Variants in AFF3 observed in about 807,000 individuals in gnomAD.
AFF3 encodes AF4/FMR2 family member 3.
In AFF3, 32 loss-of-function variants were observed where a neutral mutation model predicts 129.7. The observed-to-expected ratio is 0.25, with a 90% CI of 0.19 to 0.33. The LOEUF (loss-of-function observed/expected upper bound fraction) is 0.33, where lower values mean the gene tolerates loss of function less well. Ranked by LOEUF, AFF3 falls within the 10% of genes least tolerant of loss-of-function variation. The pLI is 1.00. For missense variants in AFF3, 1,373 were observed against 1,592.0 expected (o/e 0.86, Z 2.34); for synonymous variants, 644 against 635.4 (o/e 1.01, Z -0.20).
At chr2:99,753,668 G>A (rs1479303308) in intron 8 of AFF3, among the ~76,000 whole-genome samples, 1 of 152,092 alleles carries the variant, frequency 6.6e-6, no homozygotes, top group South Asian at 2.1e-4. Context: ...GCCGTGGGAG[G>A]GCGAGTGTGT....
At chr2:99,562,896 C>T (rs941088186) in intron 20 of AFF3, among the ~76,000 whole-genome samples, 3 of 152,120 alleles carry the variant, frequency 2.0e-5, no homozygotes, top group African/African-American at 4.8e-5. Flanking sequence ...CTGGTGCCAC[C>T]GGGGCTTCAG....
At chr2:99,858,914 G>T (rs1193286326) in intron 7 of AFF3, among the ~76,000 whole-genome samples, 1 of 152,124 alleles carries the variant, frequency 6.6e-6, no homozygotes, top group Non-Finnish European at 1.5e-5. Context: ...AAATAAAAAA[G>T]AAAACAAATG....
At chr2:99,654,664 T>C (rs1361283987) in intron 12 of AFF3, among the ~76,000 whole-genome samples, 1 of 152,180 alleles carries the variant, frequency 6.6e-6, no homozygotes, top group Admixed American at 6.5e-5. Context: ...GCAAAATAGG[T>C]TGAGAGGGTT....
intron 7 of AFF3, among the ~76,000 whole-genome samples, chr2:99,847,686 CAT>C (rs1255327780): frequency 6.6e-6 from 1 of 151,980 alleles, no homozygotes; most frequent in Non-Finnish European, 1.5e-5. Flanking sequence ...TTAATCCTCA[CAT>C]GTGTCCCCTC....
At chr2:99,658,053 G>A (rs746233305) in intron 12 of AFF3, among the ~76,000 whole-genome samples, 6 of 152,320 alleles carry the variant, frequency 3.9e-5, no homozygotes, top group East Asian at 1.9e-4. Flanking sequence ...TCCAAAGCAC[G>A]TGGCTCTTCT....
At position 99,953,182 on chromosome 2, in the gene AFF3, T is replaced by G. The variant is rs946125641; in HGVS notation, c.873+53450A>C. 3.9e-5 allele frequency among the ~76,000 whole-genome samples: 6 copies of G among 152,160 alleles called. No homozygotes were observed. The South Asian group carries it at 6.2e-4, about 16-fold the overall frequency. On this transcript the variant is annotated intron_variant, in intron 7 of 24. Transcript: ENST00000672756. ...TTAGAATTCCAAAGGTATCCTCACA[T>G]TCACAAGCTGTGCAATTTGGGGATG... is the stretch of plus-strand genomic sequence containing the variant.
chr2:100,014,122 GC>G (rs1682787739), intron 4 of AFF3, among the ~76,000 whole-genome samples: 1 of 151,446 alleles, frequency 6.6e-6, no homozygotes, highest in Admixed American at 6.6e-5. Context: ...AATGCAGTTT[GC>G]TTGGAGCACT....
intron 13 of AFF3, 49 bp from the exon 14 acceptor site, chr2:99,601,670 G>C: frequency 6.4e-7 from 1 of 1,559,686 alleles, no homozygotes; most frequent in Non-Finnish European, 8.6e-7. Context: ...AAAGCCAAGT[G>C]AGCAAACAGG....
chr2:99,799,775 C>T (rs1441191858), intron 8 of AFF3, among the ~76,000 whole-genome samples: 1 of 150,210 alleles, frequency 6.7e-6, no homozygotes, highest in East Asian at 1.9e-4. Flanking sequence ...AAGAACCAAA[C>T]AGAGAATCCA....
chr2:99,718,053 C>T (rs1185823802), intron 11 of AFF3, among the ~76,000 whole-genome samples: 1 of 152,204 alleles, frequency 6.6e-6, no homozygotes, highest in East Asian at 1.9e-4. Context: ...ATCAGTGCCA[C>T]ACTGTCTTAA....
intron 12 of AFF3, among the ~76,000 whole-genome samples, chr2:99,662,065 G>A (rs907849503): frequency 5.3e-5 from 8 of 151,992 alleles, no homozygotes; most frequent in African/African-American, 1.2e-4. Context: ...GCTTGAACCC[G>A]GGAGGCGGAG....
chr2:99,723,587 A>G (rs1383886008), intron 11 of AFF3, among the ~76,000 whole-genome samples: 2 of 152,030 alleles, frequency 1.3e-5, no homozygotes, highest in African/African-American at 4.8e-5. Context: ...CATGGAGCCT[A>G]TTATGTTTCA....
intron 2 of AFF3, among the ~76,000 whole-genome samples, chr2:100,116,528 T>G (rs1242087406): frequency 6.6e-6 from 1 of 152,154 alleles, no homozygotes; most frequent in Non-Finnish European, 1.5e-5. Flanking sequence ...TATTCTTTAC[T>G]GTTGAACTTG....
intron 4 of AFF3, among the ~76,000 whole-genome samples, chr2:100,062,339 T>C (rs1229059578): frequency 2.0e-5 from 3 of 152,172 alleles, no homozygotes; most frequent in Non-Finnish European, 4.4e-5. Context: ...CTAATACTCT[T>C]GTTGTTTTAC....
chr2:99,724,271 CTT>C (rs58303232), intron 11 of AFF3, among the ~76,000 whole-genome samples: 11 of 66,862 alleles, frequency 1.6e-4, no homozygotes, highest in Admixed American at 4.9e-4. Context: ...AATGACCTTT[CTT>C]TTTTTTTTTT....
intron 13 of AFF3, among the ~76,000 whole-genome samples, chr2:99,622,848 C>T (rs943902410): frequency 1.3e-5 from 2 of 152,162 alleles, no homozygotes; most frequent in Non-Finnish European, 1.5e-5. Flanking sequence ...GGCATGGGCA[C>T]AGGCAGGACG....
chr2:99,917,304 C>G (rs1695537746), intron 7 of AFF3, among the ~76,000 whole-genome samples: 1 of 152,160 alleles, frequency 6.6e-6, no homozygotes, highest in Non-Finnish European at 1.5e-5. Flanking sequence ...CTTGATACTC[C>G]TCATTGGCTG....
intron 8 of AFF3, among the ~76,000 whole-genome samples, chr2:99,809,259 G>C (rs1686602703): frequency 6.6e-6 from 1 of 152,218 alleles, no homozygotes; most frequent in Admixed American, 6.5e-5. Context: ...AGTGACAGCA[G>C]AGCGCTTTAG....
intron 7 of AFF3, among the ~76,000 whole-genome samples, chr2:99,881,668 C>T (rs564615543): frequency 1.3e-4 from 19 of 151,900 alleles, no homozygotes; most frequent in African/African-American, 4.6e-4. Flanking sequence ...CCTGTGCACG[C>T]ATTCACTTTT....
Sources: allele counts gnomAD v4.1 joint callset (sites outside exome capture counted in the v4.1 genomes callset), GRCh38; gene constraint gnomAD v4.1.1; transcripts MANE v1.5; gene names NCBI Gene and HGNC (gene_info 2026-07-23, HGNC 2026-07-21).